The following RBFOX1 variants were observed in gnomAD, a reference collection of about 807,000 sequenced individuals.
RBFOX1 encodes RNA binding protein fox-1 homolog 1.
Under a neutral mutation model 57.7 loss-of-function variants are expected in RBFOX1, and 8 were observed. That is an observed-to-expected ratio of 0.14 (90% CI 0.08 to 0.25). The LOEUF is 0.25. Among genes scored for constraint, RBFOX1 ranks in the 10% least tolerant of loss-of-function variants. The probability of loss-of-function intolerance (pLI) is 1.00; values close to 1 mark genes in which losing one functional copy is unlikely to be tolerated. For missense variants in RBFOX1, 611 were observed against 548.5 expected, an observed-to-expected ratio of 1.11 and a Z score of -1.14; for synonymous variants, 326 against 222.4, an observed-to-expected ratio of 1.47 and a Z score of -4.15.
At chr16:7,105,607 C>A (rs1023921783) in intron 4 of RBFOX1, among the ~76,000 whole-genome samples, 1 of 152,038 alleles carries the variant, frequency 6.6e-6, no homozygotes, top group South Asian at 2.1e-4. Context: ...AGTTAGTCTG[C>A]AATCTCATCC....
chr16:5,268,938 G>T (rs941135464), intron 1 of RBFOX1, among the ~76,000 whole-genome samples: 1 of 147,420 alleles, frequency 6.8e-6, no homozygotes, highest in Non-Finnish European at 1.5e-5. Context: ...TTTTTGAGAC[G>T]AAGTCTTGCT....
chr16:7,104,262 C>G (rs1051111163), intron 4 of RBFOX1, among the ~76,000 whole-genome samples: 1 of 152,108 alleles, frequency 6.6e-6, no homozygotes, highest in African/African-American at 2.4e-5. Context: ...CTGAGACCCT[C>G]TTCACACTCA....
intron 4 of RBFOX1, among the ~76,000 whole-genome samples, chr16:7,361,855 CTG>C (rs1448853917): frequency 2.1e-5 from 3 of 145,016 alleles, no homozygotes; most frequent in Admixed American, 2.1e-4. Flanking sequence ...TTTTGTGTGT[CTG>C]TGTGTTAGTG....
intron 7 of RBFOX1, among the ~76,000 whole-genome samples, chr16:7,588,383 AC>A (rs1364633036): frequency 6.6e-6 from 1 of 152,182 alleles, no homozygotes; most frequent in Non-Finnish European, 1.5e-5. Flanking sequence ...GGGCTCAGCA[AC>A]CTGTGTTTTA....
At chr16:6,712,345 C>T (rs1393319097) in intron 3 of RBFOX1, among the ~76,000 whole-genome samples, 1 of 152,144 alleles carries the variant, frequency 6.6e-6, no homozygotes, top group South Asian at 2.1e-4. Context: ...GTGCCCGAGA[C>T]CACGTTGTTG....
intron 9 of RBFOX1, among the ~76,000 whole-genome samples, chr16:7,604,292 G>A (rs916606684): frequency 6.6e-6 from 1 of 152,114 alleles, no homozygotes; most frequent in African/African-American, 2.4e-5. Flanking sequence ...AGTGGGAGTG[G>A]AGTAGCCTTG....
At chr16:5,736,009 C>G (rs1305514994) in intron 3 of RBFOX1, among the ~76,000 whole-genome samples, 1 of 152,162 alleles carries the variant, frequency 6.6e-6, no homozygotes, top group Non-Finnish European at 1.5e-5. Flanking sequence ...TTAGGGTCCT[C>G]TTCCTGTGTT....
intron 2 of RBFOX1, among the ~76,000 whole-genome samples, chr16:6,601,980 CTT>C (rs149613390): frequency 0.012 from 1,751 of 151,956 alleles, 25 homozygotes; most frequent in African/African-American, 0.041. Context: ...ACTCTTCTCT[CTT>C]GTCAGGTAGG....
At chr16:7,084,080 C>T (rs535827694) in intron 4 of RBFOX1, among the ~76,000 whole-genome samples, 59 of 152,118 alleles carry the variant, frequency 3.9e-4, no homozygotes, top group Non-Finnish European at 6.5e-4. Context: ...TCTGATCAAA[C>T]GTCTGCAAAG....
At chr16:7,410,408 G>A (rs540190935) in intron 4 of RBFOX1, among the ~76,000 whole-genome samples, 5 of 152,368 alleles carry the variant, frequency 3.3e-5, no homozygotes, top group South Asian at 2.1e-4. Flanking sequence ...TCGGCTGAGC[G>A]TGATGGCTCA....
At chr16:5,501,091 G>A (rs191445894) in intron 2 of RBFOX1, among the ~76,000 whole-genome samples, 39 of 152,130 alleles carry the variant, frequency 2.6e-4, no homozygotes, top group Admixed American at 7.9e-4. Context: ...CGAGGTGGGC[G>A]GGTCACCTGA....
chr16:5,732,300 T>G (rs1322764379), intron 3 of RBFOX1, among the ~76,000 whole-genome samples: 3 of 152,174 alleles, frequency 2.0e-5, no homozygotes. Context: ...TTTAAAGACC[T>G]GGAGCCAAGA....
intron 3 of RBFOX1, among the ~76,000 whole-genome samples, chr16:5,704,103 C>T (rs1442259473): frequency 2.0e-5 from 3 of 152,032 alleles, no homozygotes; most frequent in Non-Finnish European, 4.4e-5. Context: ...CTTGTTGGGC[C>T]AGTACAGAAG....
At chr16:6,266,905 G>T (rs935144322) in intron 1 of RBFOX1, among the ~76,000 whole-genome samples, 2 of 152,034 alleles carry the variant, frequency 1.3e-5, no homozygotes, top group Admixed American at 6.6e-5. Context: ...TGATTGATTC[G>T]CTTCTGAATT....
intron 2 of RBFOX1, among the ~76,000 whole-genome samples, chr16:6,506,124 TGA>T (rs757459894): frequency 2.0e-5 from 3 of 152,120 alleles, no homozygotes; most frequent in Non-Finnish European, 2.9e-5. Flanking sequence ...GGCACTGAGC[TGA>T]GAGTGGGAAA....
chr16:6,817,326 G>A lies in RBFOX1; in HGVS notation c.-16+162676G>A, dbSNP rs184712663. ...TAACCAAAGCCCCTCTCCCATGTAC[G>A]AGGACCCTGCTTACCTGTTAGCTGC... On this transcript the variant is annotated intron_variant, in intron 3 of 15. Coordinates refer to ENST00000550418, the MANE Select transcript of RBFOX1 (RefSeq NM_018723.4). Among the ~76,000 whole-genome samples, 21 of 152,130 alleles carry A rather than the reference G, an allele frequency of 1.4e-4. No homozygotes were observed. The East Asian group carries it at 3.5e-3, about 25-fold the overall frequency.
intron 3 of RBFOX1, among the ~76,000 whole-genome samples, chr16:5,759,793 A>G (rs1680020030): frequency 6.6e-6 from 1 of 151,322 alleles, no homozygotes. Flanking sequence ...CCTCTCTGGG[A>G]TTTTTTTTTC....
chr16:5,604,012 A>G (rs548296317), downstream of RBFOX1, among the ~76,000 whole-genome samples: 42 of 152,188 alleles, frequency 2.8e-4, no homozygotes, highest in Non-Finnish European at 5.0e-4. Context: ...TTAGTAATCA[A>G]TGGTGCCATT....
At chr16:5,950,698 T>G (rs1222761901) in intron 4 of RBFOX1, among the ~76,000 whole-genome samples, 1 of 152,218 alleles carries the variant, frequency 6.6e-6, no homozygotes, top group Non-Finnish European at 1.5e-5. Context: ...CTCTTCCCAG[T>G]CCAGCAAACA....
Sources: allele counts gnomAD v4.1 joint callset (sites outside exome capture counted in the v4.1 genomes callset), GRCh38; gene constraint gnomAD v4.1.1; transcripts MANE v1.5; gene names NCBI Gene and HGNC (gene_info 2026-07-23, HGNC 2026-07-21).